LMNB2: variants seen among roughly 807,000 people sequenced by gnomAD.
LMNB2 encodes the protein lamin-B2.
Under a neutral mutation model 69.3 loss-of-function variants are expected in LMNB2, and 17 were observed. The ratio of observed to expected loss-of-function variants is 0.25; its 90% CI spans 0.17 to 0.37. The LOEUF is 0.37. LMNB2 is among the 10% of genes least tolerant of loss of function. The pLI is 1.00. For missense variants in LMNB2, 789 were observed against 883.6 expected (o/e 0.89, Z 1.36); for synonymous variants, 397 against 389.3 (o/e 1.02, Z -0.23).
In LMNB2 at chr19:2,431,718, C is replaced by A. The variant is rs898643557; in HGVS notation, c.1711-60G>T. Reference sequence around the variant, plus strand: ...ATCGGGCCCAGAGCTGCTGTGGCGGCCCCGAGGGTGCCCAGACCCTGCCCA... The same window carrying A: ...ATCGGGCCCAGAGCTGCTGTGGCGGACCCGAGGGTGCCCAGACCCTGCCCA... On this transcript the variant is annotated intron_variant, in intron 10 of 11. Coordinates refer to ENST00000325327, the MANE Select transcript of LMNB2 (RefSeq NM_032737.4). 9.3e-6 allele frequency: 15 copies of A among 1,613,556 alleles called. No individual in the cohort carries two copies. In the African/African-American group the frequency reaches 1.9e-4, roughly 20 times the overall value.
At chr19:2,440,179 C>G (rs1410387244) in intron 2 of LMNB2, among the ~76,000 whole-genome samples, 1 of 151,512 alleles carries the variant, frequency 6.6e-6, no homozygotes, top group Admixed American at 6.6e-5. Flanking sequence ...ATCAATTCTA[C>G]AGATGGCTGT....
At chr19:2,436,694 C>A (rs1228640112) in intron 4 of LMNB2, 4 of 152,868 alleles carry the variant, frequency 2.6e-5, no homozygotes, top group African/African-American at 7.5e-5. Flanking sequence ...CCCGCCACCA[C>A]GGCCGCGCAC....
At position 2,431,679 on chromosome 19, in the gene LMNB2, C is replaced by T. The variant is rs753636600; in HGVS notation, c.1711-21G>A. Reference sequence around the variant, plus strand: ...ACTTCCTGTGCGGGACAGGACACGGCGGCATGTCCCGGGATCGGGCCCAGA... The same window carrying T: ...ACTTCCTGTGCGGGACAGGACACGGTGGCATGTCCCGGGATCGGGCCCAGA... On this transcript the variant is annotated intron_variant, in intron 10 of 11. Transcript: ENST00000325327. 32 of 1,613,928 alleles carry T rather than the reference C, an allele frequency of 2.0e-5. No homozygotes were observed. In the Middle Eastern group the frequency reaches 8.2e-4, roughly 41 times the overall value.
chr19:2,444,604 G>T, intron 1 of LMNB2, 64 bp from the exon 2 acceptor site: 4 of 1,593,812 alleles, frequency 2.5e-6, no homozygotes, highest in Non-Finnish European at 3.4e-6. Context: ...AGCAGTCAGG[G>T]GGCCCGGCCA....
At chr19:2,446,154 C>T (rs1971953384) in intron 1 of LMNB2, among the ~76,000 whole-genome samples, 1 of 90,670 alleles carries the variant, frequency 1.1e-5, no homozygotes, top group Non-Finnish European at 2.2e-5. Context: ...CCACCAGTCA[C>T]CCCCACCTTT....
chr19:2,440,858 CCTCT>C (rs150008840), intron 2 of LMNB2, among the ~76,000 whole-genome samples: 1 of 152,150 alleles, frequency 6.6e-6, no homozygotes, highest in South Asian at 2.1e-4. Flanking sequence ...CACCCATCTC[CCTCT>C]CTCTCTCACT....
rs1971805327 is a variant in LMNB2, at chr19:2,435,080, G to A, written c.776C>T (p.Ala259Val). 2.5e-6 allele frequency: 4 copies of A among 1,610,518 alleles called. No individual in the cohort carries two copies. Among genetic ancestry groups the A allele is most frequent in the Non-Finnish European group, 3.4e-6 (4 of 1,179,676 alleles). ...GTGCTGGCTCCGCAGCTCCTCCAGC[G>A]CCTGTGCCATCTTGAAGTCGTACTC... ...QQEYDFKMAQ[A>V]LEELRSQHDE... The change falls in exon 5 of 12, where the codon GCG (alanine) becomes GTG (valine). Residue 259 changes from alanine to valine, a missense_variant. Coordinates refer to ENST00000325327, the MANE Select transcript of LMNB2 (RefSeq NM_032737.4).
rs1972045227 is a variant in LMNB2, at chr19:2,453,013, CTGGGTCATCCTCGT to C, written c.264+3643_264+3656del. On this transcript the variant is annotated intron_variant, in intron 1 of 11. Coordinates refer to ENST00000325327, the MANE Select transcript of LMNB2 (RefSeq NM_032737.4). This position sits in a 1 kb window ranked among gnomAD's most constrained non-coding sequence, Gnocchi z 4.4. ...GGGGGCTGGGTCATCCTAATGGGGG[CTGGGTCATCCTCGT>C]GGGGGCTGGGTCATCCTCGTGGGGG... 1.3e-5 allele frequency among the ~76,000 whole-genome samples: 1 copy of C among 77,866 alleles called. No individual in the cohort carries two copies. Among genetic ancestry groups the C allele is most frequent in the African/African-American group, 5.4e-5 (1 of 18,466 alleles). The allele number at this position is 77,866 out of a possible 152,430, so 51.1% of individuals were successfully genotyped here.
In LMNB2 at chr19:2,443,576, C is replaced by G. The variant is rs76010701; in HGVS notation, c.401+828G>C. Among the ~76,000 whole-genome samples, 1 of 152,098 alleles carries G rather than the reference C, an allele frequency of 6.6e-6. No individual in the cohort carries two copies. The highest frequency in any genetic ancestry group is 1.5e-5 in the Non-Finnish European group (1 of 68,016). ...TGGGAGAATGAGCAGTGTGGGAAGA[C>G]CCTGACCCACCCCAGCCTGAGGAAA... On this transcript the variant is annotated intron_variant, in intron 2 of 11. Transcript: ENST00000325327. The surrounding 1 kb of genome is among the most constrained non-coding windows in gnomAD (Gnocchi z 6.2).
At chr19:2,433,050 G>C (rs543692644) in intron 8 of LMNB2, among the ~76,000 whole-genome samples, 49 of 76,098 alleles carry the variant, frequency 6.4e-4, no homozygotes, top group South Asian at 1.6e-3. Flanking sequence ...CCCATCAGCT[G>C]GGTCACCCCG....
At chr19:2,439,173 CGCGTACG>C (rs1378058772) in intron 2 of LMNB2, among the ~76,000 whole-genome samples, 3 of 151,428 alleles carry the variant, frequency 2.0e-5, no homozygotes, top group Non-Finnish European at 2.9e-5. Flanking sequence ...TGCGAGCCAC[CGCGTACG>C]GCTGACTCTT....
Position 2,447,953 on chromosome 19 carries a change from G to A in LMNB2, c.265-3413C>T, listed in dbSNP as rs953884350. Among the ~76,000 whole-genome samples, 7 of 152,224 alleles carry A rather than the reference G, an allele frequency of 4.6e-5. No individual in the cohort carries two copies. ...ATAAGGGTTCCCAACCTGATTTTAT[G>A]TATGGGAAAACTGAGGCACGGGTCA... On this transcript the variant is annotated intron_variant, in intron 1 of 11. Coordinates refer to ENST00000325327, the MANE Select transcript of LMNB2 (RefSeq NM_032737.4). This position sits in a 1 kb window ranked among gnomAD's most constrained non-coding sequence, Gnocchi z 4.4.
At chr19:2,435,635 G>A (rs996615396) in intron 4 of LMNB2, among the ~76,000 whole-genome samples, 1 of 152,146 alleles carries the variant, frequency 6.6e-6, no homozygotes, top group Admixed American at 6.6e-5. Flanking sequence ...TGGAGATCCT[G>A]CCAATGCTGA....
rs766901646 is a variant in LMNB2 at position 2,430,755 on chromosome 19, G to A, written c.*156C>T. ...AGCGAAGTGAGGCTGGAGGAGACCCGCCAGGAGGGAGGGCTGGGGGAGACC... is the reference window on the plus strand; with the variant it reads ...AGCGAAGTGAGGCTGGAGGAGACCCACCAGGAGGGAGGGCTGGGGGAGACC... On this transcript the variant is annotated 3_prime_UTR_variant, in exon 12 of 12. Transcript: ENST00000325327. 6 of 715,082 alleles carry A rather than the reference G, an allele frequency of 8.4e-6. No homozygotes were observed. The highest frequency in any genetic ancestry group is 2.0e-5 in the Admixed American group (1 of 50,056). The allele number at this position is 715,082 out of a possible 1,614,324, so 44.3% of individuals were successfully genotyped here.
intron 1 of LMNB2, among the ~76,000 whole-genome samples, chr19:2,455,169 C>T (rs1972073591): frequency 6.6e-6 from 1 of 152,024 alleles, no homozygotes; most frequent in South Asian, 2.1e-4. Flanking sequence ...GGCCTAATTC[C>T]CACCCCAGTC....
In LMNB2 at chr19:2,428,344, T is replaced by G. The variant is rs995159681; in HGVS notation, c.*2567A>C. On this transcript the variant is annotated 3_prime_UTR_variant, in exon 12 of 12. Coordinates refer to ENST00000325327, the MANE Select transcript of LMNB2 (RefSeq NM_032737.4). ...AGCCCAGCTCCGTTTTTGCAGGTTG[T>G]GCTGTGACGCTCGCTGGACGCAGGG... 1 of 152,268 alleles carries G rather than the reference T, an allele frequency of 6.6e-6. No homozygotes were observed. Among genetic ancestry groups the G allele is most frequent in the Non-Finnish European group, 1.5e-5 (1 of 68,062 alleles). The allele number at this position is 152,268 out of a possible 1,614,324, so 9.4% of individuals were successfully genotyped here.
In LMNB2 at chr19:2,447,666, G is replaced by T. The variant is rs1971971923; in HGVS notation, c.265-3126C>A. On this transcript the variant is annotated intron_variant, in intron 1 of 11. Transcript: ENST00000325327. This position sits in a 1 kb window ranked among gnomAD's most constrained non-coding sequence, Gnocchi z 4.4. The stretch of plus-strand genomic sequence containing the variant: ...GCTAGAACGCCGTGATGTTCCCACA[G>T]CCCTACAGGGCCAAGGGTGTCTATG... Among the ~76,000 whole-genome samples, 1 of 152,228 alleles carries T rather than the reference G, an allele frequency of 6.6e-6. No individual in the cohort carries two copies. Among genetic ancestry groups the T allele is most frequent in the Admixed American group, 6.5e-5 (1 of 15,286 alleles).
chr19:2,447,895 G>C lies in LMNB2; in HGVS notation c.265-3355C>G, dbSNP rs1490809847. ...AGTCTCAGGCTGCCCCAGCACCGCAGCTCCAAGTCCCGTCAGCCTACAGTG... is the reference window on the plus strand; with the variant it reads ...AGTCTCAGGCTGCCCCAGCACCGCACCTCCAAGTCCCGTCAGCCTACAGTG... On this transcript the variant is annotated intron_variant, in intron 1 of 11. Coordinates refer to ENST00000325327, the MANE Select transcript of LMNB2 (RefSeq NM_032737.4). This position sits in a 1 kb window ranked among gnomAD's most constrained non-coding sequence, Gnocchi z 4.4. 2.6e-5 allele frequency among the ~76,000 whole-genome samples: 4 copies of C among 152,198 alleles called. No individual in the cohort carries two copies. The East Asian group carries it at 7.7e-4, about 29-fold the overall frequency.
intron 1 of LMNB2, among the ~76,000 whole-genome samples, chr19:2,451,134 G>C (rs904438623): frequency 6.6e-6 from 1 of 152,092 alleles, no homozygotes; most frequent in Admixed American, 6.6e-5. Flanking sequence ...CCAGCTACTG[G>C]GGAGGCTGAG....
Sources: allele counts gnomAD v4.1 joint callset (sites outside exome capture counted in the v4.1 genomes callset), GRCh38; gene constraint gnomAD v4.1.1; non-coding constraint Gnocchi (gnomAD v3.1); transcripts MANE v1.5; gene names NCBI Gene and HGNC (gene_info 2026-07-23, HGNC 2026-07-21).